Variants in NDST3 observed in about 807,000 individuals in gnomAD.
The protein encoded by NDST3 is N-deacetylase and N-sulfotransferase 3.
A neutral mutation model predicts 96.1 loss-of-function variants in NDST3; 58 were observed. The observed-to-expected ratio is 0.60, with a 90% CI of 0.49 to 0.75. The LOEUF (loss-of-function observed/expected upper bound fraction) is 0.75. Among genes scored for constraint, NDST3 ranks in the 30% least tolerant of loss-of-function variants. The probability of loss-of-function intolerance (pLI) is 0.00; values close to 1 mark genes in which losing one functional copy is unlikely to be tolerated. For missense variants in NDST3, 788 were observed against 1,034.2 expected, an observed-to-expected ratio of 0.76 and a Z score of 3.27; for synonymous variants, 333 against 359.7, an observed-to-expected ratio of 0.93 and a Z score of 0.84.
intron 6 of NDST3, among the ~76,000 whole-genome samples, chr4:118,150,227 T>A (rs1303419460): frequency 6.6e-6 from 1 of 152,200 alleles, no homozygotes; most frequent in Non-Finnish European, 1.5e-5. Flanking sequence ...CTTTTTTGGA[T>A]GTGTCTCTGC....
At chr4:118,034,144 T>A (rs1724021227), upstream of NDST3, among the ~76,000 whole-genome samples, 1 of 152,228 alleles carries the variant, frequency 6.6e-6, no homozygotes. Context: ...TGACTGTGGG[T>A]TTGTAAATAT....
At chr4:118,078,143 A>T (rs1416643397) in intron 2 of NDST3, among the ~76,000 whole-genome samples, 1 of 151,930 alleles carries the variant, frequency 6.6e-6, no homozygotes, top group Non-Finnish European at 1.5e-5. Flanking sequence ...CATTTTGGAG[A>T]GGTTCTTCTG....
At chr4:118,120,161 T>G (rs1411955347) in intron 4 of NDST3, among the ~76,000 whole-genome samples, 1 of 152,180 alleles carries the variant, frequency 6.6e-6, no homozygotes, top group East Asian at 1.9e-4. Context: ...ATTCTATCAT[T>G]ACTGTATTAA....
intron 2 of NDST3, among the ~76,000 whole-genome samples, chr4:118,073,448 T>G (rs1198088419): frequency 6.6e-6 from 1 of 152,088 alleles, no homozygotes; most frequent in Non-Finnish European, 1.5e-5. Context: ...GGTTGAATTT[T>G]GGGTAGTTGC....
rs114336362 is a variant in NDST3 at position 118,192,838 on chromosome 4, G to A, written c.1540-31653G>A. On this transcript the variant is annotated intron_variant, in intron 6 of 13. Coordinates refer to ENST00000296499, the MANE Select transcript of NDST3 (RefSeq NM_004784.3). ...TTTGGGGACACAACCTGGCTGAGAG[G>A]GAAAACTGACAGGGGAAATACCAGA... Among the ~76,000 whole-genome samples the A allele has an allele frequency of 8.1e-3, 1,230 of 152,206 alleles. 18 individuals are homozygous for A. The highest frequency in any genetic ancestry group is 0.028 in the African/African-American group (1,174 of 41,514).
At chr4:118,131,832 G>A (rs569706907) in intron 4 of NDST3, among the ~76,000 whole-genome samples, 18 of 152,174 alleles carry the variant, frequency 1.2e-4, no homozygotes, top group African/African-American at 3.9e-4. Flanking sequence ...TGGTGGTCTT[G>A]GAGAAGATCT....
intron 6 of NDST3, among the ~76,000 whole-genome samples, chr4:118,187,301 T>G (rs1156509962): frequency 6.6e-6 from 1 of 152,236 alleles, no homozygotes; most frequent in Non-Finnish European, 1.5e-5. Context: ...GCCAGAGCTT[T>G]TGCAGTAGAA....
At chr4:118,065,059 C>T (rs576038949) in intron 2 of NDST3, among the ~76,000 whole-genome samples, 1 of 152,254 alleles carries the variant, frequency 6.6e-6, no homozygotes, top group African/African-American at 2.4e-5. Flanking sequence ...ATATCAAAGT[C>T]CTTAACTTAA....
chr4:118,076,568 C>A (rs1727551502), intron 2 of NDST3, among the ~76,000 whole-genome samples: 1 of 152,184 alleles, frequency 6.6e-6, no homozygotes, highest in Non-Finnish European at 1.5e-5. Flanking sequence ...ATTCTCTTCA[C>A]AGATTGGTCT....
intron 6 of NDST3, chr4:118,193,772 G>A: frequency 6.7e-7 from 1 of 1,485,588 alleles, no homozygotes; most frequent in Non-Finnish European, 9.3e-7. Flanking sequence ...TTCAGTGGCA[G>A]CAGAGAAGGC....
At chr4:118,247,382 G>A (rs565454330) in intron 12 of NDST3, among the ~76,000 whole-genome samples, 1 of 151,966 alleles carries the variant, frequency 6.6e-6, no homozygotes, top group African/African-American at 2.4e-5. Flanking sequence ...TGAAACCCCA[G>A]TTCTACTAAA....
rs531251247 is a variant in NDST3, at chr4:118,107,084, C to T, written c.1069+1979C>T. Among the ~76,000 whole-genome samples, 20 of 151,538 alleles carry T rather than the reference C, an allele frequency of 1.3e-4. No individual in the cohort carries two copies. In the East Asian group the frequency reaches 3.6e-3, roughly 27 times the overall value. On this transcript the variant is annotated intron_variant, in intron 3 of 13. Coordinates refer to ENST00000296499, the MANE Select transcript of NDST3 (RefSeq NM_004784.3). ...CAGCCTGGGCTACAGAGCGAGACTC[C>T]ATCTCAAAATAATAATAATAATAAT... is the stretch of plus-strand genomic sequence containing the variant.
chr4:118,196,501 T>C (rs1207018073), intron 6 of NDST3, among the ~76,000 whole-genome samples: 1 of 152,184 alleles, frequency 6.6e-6, no homozygotes, highest in Non-Finnish European at 1.5e-5. Context: ...AGGGAGATTT[T>C]TAATTACAAC....
intron 6 of NDST3, among the ~76,000 whole-genome samples, chr4:118,195,174 C>A (rs937396511): frequency 1.3e-5 from 2 of 152,136 alleles, no homozygotes; most frequent in African/African-American, 4.8e-5. Context: ...CCTCTTCAAT[C>A]TCTTTTATCA....
At chr4:118,150,284 T>C (rs1208835251) in intron 6 of NDST3, among the ~76,000 whole-genome samples, 1 of 152,184 alleles carries the variant, frequency 6.6e-6, no homozygotes, top group East Asian at 1.9e-4. Flanking sequence ...ATAAAAACCC[T>C]AGAAGAAAAC....
intron 4 of NDST3, among the ~76,000 whole-genome samples, 159 bp from the exon 5 acceptor site, chr4:118,137,895 G>A (rs1048529080): frequency 2.0e-5 from 3 of 152,202 alleles, no homozygotes; most frequent in Non-Finnish European, 2.9e-5. Flanking sequence ...GCTTCATGAC[G>A]TCTAGAGGTG....
At chr4:118,095,210 A>G (rs535627081) in intron 2 of NDST3, among the ~76,000 whole-genome samples, 1 of 152,028 alleles carries the variant, frequency 6.6e-6, no homozygotes, top group African/African-American at 2.4e-5. Flanking sequence ...AAGAGGAAAC[A>G]GAAAGACTAA....
chr4:118,251,123 TTATTTTA>T (rs1265728024), intron 12 of NDST3, among the ~76,000 whole-genome samples: 3 of 91,350 alleles, frequency 3.3e-5, no homozygotes, highest in East Asian at 6.5e-4. Flanking sequence ...TTTATTATTT[TTATTTTA>T]TTTTTTTTTT....
At chr4:118,161,087 C>T (rs1174894958) in intron 6 of NDST3, among the ~76,000 whole-genome samples, 1 of 152,212 alleles carries the variant, frequency 6.6e-6, no homozygotes, top group African/African-American at 2.4e-5. Flanking sequence ...TTCCTTCTAA[C>T]AGACAGGACC....
Sources: gnomAD v4.1 joint callset for allele counts (sites outside exome capture counted in the v4.1 genomes callset) on GRCh38, gnomAD v4.1.1 for gene constraint, MANE v1.5 for transcripts, NCBI Gene and HGNC (gene_info 2026-07-23, HGNC 2026-07-21) for gene names.